Variants in COL25A1 observed in about 807,000 individuals in gnomAD.
COL25A1 encodes collagen type XXV alpha 1 chain.
Under a neutral mutation model 128.4 loss-of-function variants are expected in COL25A1, and 103 were observed. The ratio of observed to expected loss-of-function variants is 0.80; its 90% CI spans 0.68 to 0.94. COL25A1 has a LOEUF of 0.94. COL25A1 is among the 40% of genes least tolerant of loss of function. The pLI, the probability that COL25A1 is intolerant of heterozygous loss-of-function variation, is 0.00. For missense variants in COL25A1, 745 were observed against 840.0 expected (o/e 0.89, Z 1.40); for synonymous variants, 279 against 277.2 (o/e 1.01, Z -0.06).
rs1258492997 is a variant in COL25A1 at position 108,963,947 on chromosome 4, T to A, written c.492+10420A>T. Among the ~76,000 whole-genome samples the A allele has an allele frequency of 2.0e-5, 3 of 151,420 alleles. No individual in the cohort carries two copies. In the South Asian group the frequency reaches 6.2e-4, roughly 31 times the overall value. ...TCACATGAAAAAGTAAGAATAATAT[T>A]GCAGTTTACATGAACAATAAGCAGA... On this transcript the variant is annotated intron_variant, in intron 8 of 37. Coordinates refer to ENST00000399132, the MANE Select transcript of COL25A1 (RefSeq NM_198721.4).
At chr4:108,819,859 C>A in intron 35 of COL25A1, 1 of 1,231,830 alleles carries the variant, frequency 8.1e-7, no homozygotes, top group Non-Finnish European at 1.0e-6. Context: ...TCTCCTTTCT[C>A]CCCTTTAGGC....
intron 5 of COL25A1, among the ~76,000 whole-genome samples, chr4:109,019,375 C>CACACATATATATATAT (rs1338511772): frequency 2.0e-5 from 1 of 48,890 alleles, no homozygotes; most frequent in Non-Finnish European, 3.4e-5. Flanking sequence ...CACACACACA[C>CACACATATATATATAT]ATATATATAT....
chr4:109,121,559 AAAC>A (rs754791012), intron 3 of COL25A1, among the ~76,000 whole-genome samples: 8 of 152,290 alleles, frequency 5.3e-5, no homozygotes, highest in Non-Finnish European at 1.0e-4. Context: ...TTGTAAATTA[AAAC>A]AACAATAAGA....
chr4:109,036,581 A>G (rs1759377680), intron 5 of COL25A1, among the ~76,000 whole-genome samples: 1 of 152,146 alleles, frequency 6.6e-6, no homozygotes, highest in Admixed American at 6.5e-5. Context: ...CTGGAAGTGG[A>G]AGTTTAGGTC....
At chr4:108,995,913 A>G (rs1450190977) in intron 6 of COL25A1, among the ~76,000 whole-genome samples, 2 of 152,170 alleles carry the variant, frequency 1.3e-5, no homozygotes, top group African/African-American at 4.8e-5. Flanking sequence ...CAAACAAGGA[A>G]ATGCTGAGAG....
At chr4:109,224,289 A>T (rs188719298) in intron 3 of COL25A1, among the ~76,000 whole-genome samples, 9 of 152,326 alleles carry the variant, frequency 5.9e-5, no homozygotes, top group Admixed American at 1.3e-4. Flanking sequence ...TATCAAAAAA[A>T]GGTCATTGGA....
chr4:109,096,572 C>A (rs10050262), intron 3 of COL25A1, among the ~76,000 whole-genome samples: 1,491 of 132,500 alleles, frequency 0.011, 25 homozygotes, highest in African/African-American at 0.041. Context: ...CTGTCATGTC[C>A]ACACAATGAC....
At chr4:108,851,961 C>T (rs1325628350) in intron 26 of COL25A1, among the ~76,000 whole-genome samples, 1 of 151,986 alleles carries the variant, frequency 6.6e-6, no homozygotes, top group East Asian at 1.9e-4. Flanking sequence ...TTTATAATTT[C>T]TGTGGAACTT....
chr4:108,832,976 T>TAAATAAATAAATAAATAAA (rs1401211030), intron 31 of COL25A1, among the ~76,000 whole-genome samples: 1 of 150,650 alleles, frequency 6.6e-6, no homozygotes, highest in Non-Finnish European at 1.5e-5. Flanking sequence ...CAAAAAATAA[T>TAAATAAATAAATAAATAAA]AAATAAATAA....
At chr4:109,024,754 T>C (rs1758091265) in intron 5 of COL25A1, among the ~76,000 whole-genome samples, 1 of 143,982 alleles carries the variant, frequency 6.9e-6, no homozygotes, top group Non-Finnish European at 1.5e-5. Context: ...AAGATCTAGG[T>C]CAATGATTTT....
chr4:109,220,923 T>C (rs752817564), intron 3 of COL25A1, among the ~76,000 whole-genome samples: 11 of 152,066 alleles, frequency 7.2e-5, no homozygotes, highest in Non-Finnish European at 1.5e-4. Flanking sequence ...TGAGTGGATA[T>C]TTTTCCAGAA....
chr4:108,953,100 T>C (rs1019836069), intron 8 of COL25A1, among the ~76,000 whole-genome samples: 1 of 152,082 alleles, frequency 6.6e-6, no homozygotes, highest in African/African-American at 2.4e-5. Flanking sequence ...AAGTTTAACA[T>C]CCACCCTAAA....
At chr4:109,292,391 C>T (rs912382277) in intron 3 of COL25A1, among the ~76,000 whole-genome samples, 6 of 151,946 alleles carry the variant, frequency 3.9e-5, no homozygotes, top group African/African-American at 1.4e-4. Flanking sequence ...GTTTAAAAGG[C>T]ATGGGGATGA....
chr4:109,057,910 G>C (rs1308338040), intron 3 of COL25A1, among the ~76,000 whole-genome samples: 1 of 152,102 alleles, frequency 6.6e-6, no homozygotes, highest in Non-Finnish European at 1.5e-5. Context: ...GAGATAACTG[G>C]AGACTCTCAC....
intron 24 of COL25A1, among the ~76,000 whole-genome samples, chr4:108,856,661 T>C (rs1447983949): frequency 6.6e-6 from 1 of 152,070 alleles, no homozygotes; most frequent in Non-Finnish European, 1.5e-5. Flanking sequence ...ACCAACCCAA[T>C]AAGAATAATA....
At chr4:108,886,893 C>G (rs1162115928) in intron 18 of COL25A1, among the ~76,000 whole-genome samples, 2 of 152,010 alleles carry the variant, frequency 1.3e-5, no homozygotes, top group Non-Finnish European at 2.9e-5. Flanking sequence ...CTAGAGTGCC[C>G]TAAATATTTC....
intron 5 of COL25A1, among the ~76,000 whole-genome samples, chr4:109,044,088 AGTGTGTGTGTGT>A (rs142400635): frequency 1.3e-5 from 2 of 149,564 alleles, no homozygotes; most frequent in Non-Finnish European, 3.0e-5. Flanking sequence ...CTCCTCTGAT[AGTGTGTGTGTGT>A]GTGTGTGTGT....
At chr4:109,051,884 AC>A (rs1761035814) in intron 3 of COL25A1, among the ~76,000 whole-genome samples, 1 of 151,884 alleles carries the variant, frequency 6.6e-6, no homozygotes. Context: ...AAAATAATTC[AC>A]CCTAACCATG....
At chr4:109,296,164 C>T (rs555948859) in intron 3 of COL25A1, among the ~76,000 whole-genome samples, 25 of 152,116 alleles carry the variant, frequency 1.6e-4, no homozygotes, top group Non-Finnish European at 3.2e-4. Context: ...TACCAGGTAT[C>T]AGTGTACCTC....
Sources: allele counts gnomAD v4.1 joint callset (sites outside exome capture counted in the v4.1 genomes callset), GRCh38; gene constraint gnomAD v4.1.1; transcripts MANE v1.5; gene names NCBI Gene and HGNC (gene_info 2026-07-23, HGNC 2026-07-21).